The following CMTM4 variants were observed in gnomAD, a reference collection of about 807,000 sequenced individuals.
The protein encoded by CMTM4 is CKLF like MARVEL transmembrane domain containing 4, also known as CKLF-like MARVEL transmembrane domain-containing protein 4.
CMTM4 carries 8 observed loss-of-function variants against 19.0 expected under a neutral mutation model. The ratio of observed to expected loss-of-function variants is 0.42; its 90% CI spans 0.25 to 0.76. The LOEUF (loss-of-function observed/expected upper bound fraction) is 0.76, where lower values mean the gene tolerates loss of function less well. CMTM4 is among the 30% of genes least tolerant of loss of function. CMTM4 has a pLI of 0.27. For synonymous variants in CMTM4, 106 were observed against 121.1 expected (o/e 0.88, Z 0.82); for missense variants, 228 against 290.2 (o/e 0.79, Z 1.56).
intron 1 of CMTM4, among the ~76,000 whole-genome samples, chr16:66,682,699 T>C (rs944650840): frequency 6.6e-6 from 1 of 152,170 alleles, no homozygotes; most frequent in Non-Finnish European, 1.5e-5. Flanking sequence ...GCAGGCCTCA[T>C]GGAACGGTTG....
At chr16:66,679,684 C>A (rs1269185596) in intron 1 of CMTM4, among the ~76,000 whole-genome samples, 1 of 151,784 alleles carries the variant, frequency 6.6e-6, no homozygotes, top group Non-Finnish European at 1.5e-5. Flanking sequence ...ATCAGCCGGG[C>A]GTGGTGCTGG....
intron 1 of CMTM4, among the ~76,000 whole-genome samples, chr16:66,661,070 A>C (rs2016491756): frequency 6.6e-6 from 1 of 152,188 alleles, no homozygotes; most frequent in African/African-American, 2.4e-5. Context: ...CACTATCCAA[A>C]GGTTGATAAT....
intron 1 of CMTM4, among the ~76,000 whole-genome samples, chr16:66,638,268 T>C (rs1010035082): frequency 5.9e-5 from 9 of 152,174 alleles, no homozygotes; most frequent in African/African-American, 1.7e-4. Flanking sequence ...AACTTTCACA[T>C]AGCTGGCAGA....
intron 2 of CMTM4, among the ~76,000 whole-genome samples, chr16:66,630,459 C>T (rs1421709612): frequency 1.3e-5 from 2 of 151,686 alleles, no homozygotes; most frequent in Non-Finnish European, 2.9e-5. Context: ...CTGCCTCAGC[C>T]TGCCGAGTGC....
the CMTM4 span, among the ~76,000 whole-genome samples, chr16:66,602,159 G>T: frequency 1.3e-5 from 2 of 152,242 alleles, no homozygotes; most frequent in African/African-American, 2.4e-5. Context: ...ACCTTTGGGA[G>T]GCCGAGGCGG....
rs146356393 is a variant in CMTM4 at position 66,622,142 on chromosome 16, C to T, written c.543G>A (p.Gln181=). 131 of 1,613,154 alleles carry T rather than the reference C, an allele frequency of 8.1e-5. No homozygotes were observed. In the African/African-American group the frequency reaches 1.6e-3, roughly 20 times the overall value. Residue 181 remains glutamine (Q), a synonymous_variant, in exon 4 of 4, where the codon CAG becomes CAA. Transcript: ENST00000394106. This position sits in a 1 kb window ranked among gnomAD's most constrained non-coding sequence, Gnocchi z 4.0. ...AVQKWRVSVR[Q]QSTNDYIRAR... is the part of the protein sequence containing the mutation. ...CTCGGATGTAGTCATTGGTGCTCTG[C>T]TGGCGGACGCTGACTCTCCATTTCT...
intron 1 of CMTM4, among the ~76,000 whole-genome samples, chr16:66,679,393 T>C (rs1023850866): frequency 6.6e-6 from 1 of 152,142 alleles, no homozygotes; most frequent in African/African-American, 2.4e-5. Flanking sequence ...AAAGAAGAAC[T>C]GAGGGCCCCC....
intron 1 of CMTM4, among the ~76,000 whole-genome samples, chr16:66,671,765 C>T (rs1377467726): frequency 3.9e-5 from 6 of 152,036 alleles, no homozygotes; most frequent in African/African-American, 1.5e-4. Flanking sequence ...GTGAAATTAG[C>T]AACATGATGA....
At chr16:66,660,880 T>C (rs1414937433) in intron 1 of CMTM4, among the ~76,000 whole-genome samples, 1 of 152,150 alleles carries the variant, frequency 6.6e-6, no homozygotes, top group Non-Finnish European at 1.5e-5. Flanking sequence ...CTCGCTGTGC[T>C]AAGTGAGGAA....
chr16:66,649,161 C>A (rs1224338982), intron 1 of CMTM4, among the ~76,000 whole-genome samples: 1 of 152,146 alleles, frequency 6.6e-6, no homozygotes, highest in African/African-American at 2.4e-5. Flanking sequence ...GAGCTATGAT[C>A]ATGGCTGTGT....
In CMTM4 at chr16:66,636,478, A is replaced by G; in HGVS notation, c.290T>C (p.Val97Ala). 1 of 1,614,190 alleles carries G rather than the reference A, an allele frequency of 6.2e-7. No individual in the cohort carries two copies. Among genetic ancestry groups the G allele is most frequent in the Non-Finnish European group, 8.5e-7 (1 of 1,180,026 alleles). ...FEFVSCSAFVVTGVLLIMFSL... is the reference protein window; with the variant it reads ...FEFVSCSAFVATGVLLIMFSL... ...GAACATAATCAGCAAGACGCCAGTC[A>G]CCACAAACGCACTGCAGCTCACAAA... is the stretch of plus-strand genomic sequence containing the variant. The change falls in exon 2 of 4, where the codon GTG (valine) becomes GCG (alanine). Residue 97 changes from valine to alanine, a missense_variant. Around this residue, in one of 3 missense-constraint regions of CMTM4, gnomAD observed 200 missense variants for 226.6 expected, o/e 0.88. Coordinates refer to ENST00000394106, the MANE Select transcript of CMTM4 (RefSeq NM_181521.3).
chr16:66,611,258 G>A (rs907457268), downstream of CMTM4, among the ~76,000 whole-genome samples: 3 of 152,140 alleles, frequency 2.0e-5, no homozygotes, highest in South Asian at 2.1e-4. Flanking sequence ...TTTGAGACCA[G>A]CCTGGCCAAC....
intron 2 of CMTM4, among the ~76,000 whole-genome samples, chr16:66,629,117 T>C (rs930870066): frequency 2.6e-5 from 4 of 152,136 alleles, no homozygotes; most frequent in Admixed American, 6.5e-5. Flanking sequence ...AGCACTTGAG[T>C]TCCTGGGCCA....
At chr16:66,634,211 G>GGGT (rs2015943134) in intron 2 of CMTM4, among the ~76,000 whole-genome samples, 1 of 152,226 alleles carries the variant, frequency 6.6e-6, no homozygotes, top group South Asian at 2.1e-4. Context: ...AGGCTGAGGT[G>GGGT]GGTGGATCAC....
At chr16:66,674,428 C>T (rs1260553487) in intron 1 of CMTM4, among the ~76,000 whole-genome samples, 1 of 152,178 alleles carries the variant, frequency 6.6e-6, no homozygotes, top group African/African-American at 2.4e-5. Flanking sequence ...ACAAAGGCCC[C>T]TCGGTGCACA....
chr16:66,666,929 G>C (rs2016605170), intron 1 of CMTM4, among the ~76,000 whole-genome samples: 1 of 152,182 alleles, frequency 6.6e-6, no homozygotes, highest in Non-Finnish European at 1.5e-5. Context: ...GGGAGGGAGG[G>C]AGTGAGGAAT....
intron 2 of CMTM4, among the ~76,000 whole-genome samples, chr16:66,631,736 G>A (rs2015875874): frequency 6.6e-6 from 1 of 152,078 alleles, no homozygotes; most frequent in Non-Finnish European, 1.5e-5. Context: ...AAGGCAACAT[G>A]CTCCTTAAGA....
rs2015504182 is a variant in CMTM4, at chr16:66,615,242, T to C, written c.*6816A>G. 1 of 152,244 alleles carries C rather than the reference T, an allele frequency of 6.6e-6. No homozygotes were observed. The highest frequency in any genetic ancestry group is 6.5e-5 in the Admixed American group (1 of 15,288). 9.4% of individuals were successfully genotyped at this position (152,244 alleles called of 1,614,324 possible). On this transcript the variant is annotated 3_prime_UTR_variant, in exon 4 of 4. Transcript: ENST00000394106. The surrounding 1 kb of genome is among the most constrained non-coding windows in gnomAD (Gnocchi z 4.9). ...GGTGAAGTACCACGGAGAAATCATA[T>C]TGGAAAGTTACTACTTAGCCATCTG...
the CMTM4 span, chr16:66,608,500 G>A: frequency 6.2e-7 from 1 of 1,607,516 alleles, no homozygotes; most frequent in Non-Finnish European, 8.5e-7. The surrounding 1 kb of genome is among the most constrained non-coding windows in gnomAD (Gnocchi z 5.1). Context: ...GGGGTGCCCT[G>A]CACAAAGTGG....
Sources: gnomAD v4.1 joint callset for allele counts (sites outside exome capture counted in the v4.1 genomes callset) on GRCh38, gnomAD v4.1.1 for gene constraint, gnomAD v4.1.1 regional missense constraint, Gnocchi (gnomAD v3.1) non-coding constraint, MANE v1.5 for transcripts, NCBI Gene and HGNC (gene_info 2026-07-23, HGNC 2026-07-21) for gene names.